Variants in ATP2B2 observed in about 807,000 individuals in gnomAD.
The protein encoded by ATP2B2 is plasma membrane calcium-transporting ATPase 2.
ATP2B2 carries 15 observed loss-of-function variants against 120.0 expected under a neutral mutation model. The observed-to-expected ratio is 0.12, with a 90% confidence interval of 0.08 to 0.19. The LOEUF is 0.19. Ranked by LOEUF, ATP2B2 falls within the 10% of genes least tolerant of loss-of-function variation. ATP2B2 has a pLI of 1.00. For synonymous variants in ATP2B2, 694 were observed against 700.3 expected (o/e 0.99, Z 0.14); for missense variants, 1,045 against 1,719.8 (o/e 0.61, Z 6.94).
intron 1 of ATP2B2, among the ~76,000 whole-genome samples, chr3:10,503,227 G>T (rs543224417): frequency 6.6e-6 from 1 of 152,322 alleles, no homozygotes; most frequent in African/African-American, 2.4e-5. Context: ...TGCTGAAGGT[G>T]TTCCAGGCCC....
At chr3:10,515,454 C>G (rs913936585) in intron 3 of ATP2B2, among the ~76,000 whole-genome samples, 6 of 152,226 alleles carry the variant, frequency 3.9e-5, no homozygotes, top group African/African-American at 1.2e-4. Context: ...CTGCTCTGCT[C>G]TCTCCCCATG....
At chr3:10,374,350 C>T (rs1038178658) in intron 11 of ATP2B2, among the ~76,000 whole-genome samples, 80 of 152,118 alleles carry the variant, frequency 5.3e-4, no homozygotes, top group African/African-American at 1.9e-3. Context: ...AACAGGAAGA[C>T]GATAAGGGCC....
chr3:10,376,380 C>T (rs913148555), intron 10 of ATP2B2, among the ~76,000 whole-genome samples: 3 of 152,050 alleles, frequency 2.0e-5, no homozygotes, highest in East Asian at 1.9e-4. Flanking sequence ...AGACACCAGT[C>T]GCATGGTGAC....
chr3:10,372,236 C>T (rs1559243748), intron 11 of ATP2B2, among the ~76,000 whole-genome samples, 185 bp from the exon 12 acceptor site: 1 of 152,186 alleles, frequency 6.6e-6, no homozygotes, highest in South Asian at 2.1e-4. Flanking sequence ...CTTTTGTCTG[C>T]GCGTGGCCCT....
chr3:10,435,794 T>C (rs979362156), intron 2 of ATP2B2, among the ~76,000 whole-genome samples: 79 of 152,298 alleles, frequency 5.2e-4, no homozygotes, highest in Non-Finnish European at 2.5e-4. Context: ...GTTCTCAGAA[T>C]TGAGCCCTGG....
At chr3:10,506,034 C>T (rs557816189), upstream of ATP2B2, among the ~76,000 whole-genome samples, 3 of 152,012 alleles carry the variant, frequency 2.0e-5, no homozygotes, top group East Asian at 5.9e-4. Context: ...CAAATGGCCC[C>T]AAGTCGTCCC....
intron 2 of ATP2B2, among the ~76,000 whole-genome samples, chr3:10,441,749 A>C (rs1378334438): frequency 6.6e-6 from 1 of 152,234 alleles, no homozygotes; most frequent in African/African-American, 2.4e-5. Context: ...ATATTTGTCC[A>C]ATAAATAAAT....
chr3:10,560,384 G>A (rs1326196856), intron 2 of ATP2B2, among the ~76,000 whole-genome samples: 2 of 152,198 alleles, frequency 1.3e-5, no homozygotes, highest in Non-Finnish European at 2.9e-5. Context: ...GTACCTCACT[G>A]AGGCTCTCAC....
intron 10 of ATP2B2, among the ~76,000 whole-genome samples, chr3:10,377,793 T>G (rs1204174076): frequency 6.6e-6 from 1 of 152,228 alleles, no homozygotes; most frequent in Admixed American, 6.5e-5. Flanking sequence ...GTCCTCAGGA[T>G]AAAGTCTGTG....
chr3:10,506,165 AT>A (rs1438234680), upstream of ATP2B2, among the ~76,000 whole-genome samples: 1 of 152,066 alleles, frequency 6.6e-6, no homozygotes, highest in Non-Finnish European at 1.5e-5. Flanking sequence ...GACTCAACAC[AT>A]TTTAAACACA....
chr3:10,633,236 G>GT (rs1303355964), intron 1 of ATP2B2, among the ~76,000 whole-genome samples: 4 of 152,152 alleles, frequency 2.6e-5, no homozygotes, highest in Non-Finnish European at 5.9e-5. Context: ...CGCTGTGGGG[G>GT]TTAAATGAGT....
At chr3:10,465,792 C>T (rs546694317) in intron 1 of ATP2B2, among the ~76,000 whole-genome samples, 2 of 152,304 alleles carry the variant, frequency 1.3e-5, no homozygotes, top group Non-Finnish European at 2.9e-5. Flanking sequence ...TTTGGGCCTG[C>T]TACGAAATGG....
At chr3:10,550,479 A>C (rs4518110) in intron 2 of ATP2B2, among the ~76,000 whole-genome samples, 1 of 151,444 alleles carries the variant, frequency 6.6e-6, no homozygotes, top group Non-Finnish European at 1.5e-5. Flanking sequence ...AGTTTTTTTT[A>C]CACCCCAGAA....
At chr3:10,527,693 G>A (rs1252700010) in intron 3 of ATP2B2, among the ~76,000 whole-genome samples, 1 of 152,206 alleles carries the variant, frequency 6.6e-6, no homozygotes, top group African/African-American at 2.4e-5. Flanking sequence ...CTTCTGAGGA[G>A]ACCAACCAGT....
chr3:10,615,322 C>A (rs1358941099), intron 2 of ATP2B2, among the ~76,000 whole-genome samples: 1 of 152,168 alleles, frequency 6.6e-6, no homozygotes, highest in Non-Finnish European at 1.5e-5. Context: ...CTAGGCAAGA[C>A]ATGGTGGTGA....
chr3:10,652,327 C>T (rs949701805), intron 1 of ATP2B2, among the ~76,000 whole-genome samples: 14 of 152,174 alleles, frequency 9.2e-5, no homozygotes, highest in Non-Finnish European at 1.9e-4. Flanking sequence ...TCCCTAGCTA[C>T]ATCAGAGAAA....
chr3:10,565,255 T>C (rs1447862492), intron 2 of ATP2B2, among the ~76,000 whole-genome samples: 2 of 152,064 alleles, frequency 1.3e-5, no homozygotes, highest in Non-Finnish European at 2.9e-5. Context: ...TATTTGGAGG[T>C]CTCTTTGTTG....
At chr3:10,348,717 T>C (rs1468669703) in intron 16 of ATP2B2, among the ~76,000 whole-genome samples, 1 of 152,244 alleles carries the variant, frequency 6.6e-6, no homozygotes, top group Non-Finnish European at 1.5e-5. Flanking sequence ...GAGGCAGTGT[T>C]GGGTCCAGAG....
chr3:10,559,655 C>A (rs1030547008), intron 2 of ATP2B2, among the ~76,000 whole-genome samples: 1 of 152,140 alleles, frequency 6.6e-6, no homozygotes, highest in Non-Finnish European at 1.5e-5. Flanking sequence ...TGCCTCCAAG[C>A]CCCCCGACTT....
Sources: gnomAD v4.1 joint callset for allele counts (sites outside exome capture counted in the v4.1 genomes callset) on GRCh38, gnomAD v4.1.1 for gene constraint, MANE v1.5 for transcripts, NCBI Gene and HGNC (gene_info 2026-07-23, HGNC 2026-07-21) for gene names.